The following ZNF592 variants were observed in gnomAD, a reference collection of about 807,000 sequenced individuals.
ZNF592 encodes spinocerebellar ataxia, autosomal recessive 5.
In ZNF592, 11 loss-of-function variants were observed where a neutral mutation model predicts 80.3. The observed-to-expected ratio is 0.14, with a 90% CI of 0.09 to 0.23. ZNF592 has a LOEUF of 0.23. Ranked by LOEUF, ZNF592 falls within the 10% of genes least tolerant of loss-of-function variation. The probability of loss-of-function intolerance (pLI) is 1.00; values close to 1 mark genes in which losing one functional copy is unlikely to be tolerated. For synonymous variants in ZNF592, 646 were observed against 640.3 expected, an observed-to-expected ratio of 1.01 and a Z score of -0.13; for missense variants, 1,420 against 1,633.9, an observed-to-expected ratio of 0.87 and a Z score of 2.26.
intron 4 of ZNF592, among the ~76,000 whole-genome samples, chr15:84,785,428 C>T (rs1158308583): frequency 6.6e-6 from 1 of 152,046 alleles, no homozygotes; most frequent in Non-Finnish European, 1.5e-5. Flanking sequence ...TCTTATGCCT[C>T]AGCCTCCCAA....
Position 84,799,240 on chromosome 15 carries a change from C to G in ZNF592, c.3137+30C>G, listed in dbSNP as rs368761899. 6.2e-7 allele frequency: 1 copy of G among 1,601,992 alleles called. No homozygotes were observed. The highest frequency in any genetic ancestry group is 8.6e-7 in the Non-Finnish European group (1 of 1,169,056). ...GTCCCTGGGGATAGTAGTGAGGAGG[C>G]CTGAGGTTCAAAAGACTCTGTCCGT... On this transcript the variant is annotated intron_variant, in intron 9 of 10. Coordinates refer to ENST00000560079, the MANE Select transcript of ZNF592 (RefSeq NM_014630.3). This position sits in a 1 kb window ranked among gnomAD's most constrained non-coding sequence, Gnocchi z 4.2.
At chr15:84,794,580 A>G (rs1297283363) in intron 5 of ZNF592, among the ~76,000 whole-genome samples, 3 of 151,796 alleles carry the variant, frequency 2.0e-5, no homozygotes, top group African/African-American at 4.8e-5. Flanking sequence ...GGGTTCAAGC[A>G]CTTCTCCCAC....
chr15:84,768,298 C>T (rs766092915), intron 2 of ZNF592, among the ~76,000 whole-genome samples: 3 of 142,424 alleles, frequency 2.1e-5, no homozygotes, highest in African/African-American at 5.3e-5. Flanking sequence ...AGTGCAGTGG[C>T]GCGATCCCAG....
intron 1 of ZNF592, among the ~76,000 whole-genome samples, chr15:84,757,671 T>G (rs554257254): frequency 3.3e-5 from 5 of 151,694 alleles, no homozygotes; most frequent in African/African-American, 1.2e-4. Flanking sequence ...TCTTTTTTTT[T>G]TTTTTGAGAT....
chr15:84,792,733 G>C (rs903660321), intron 5 of ZNF592, among the ~76,000 whole-genome samples: 1 of 152,166 alleles, frequency 6.6e-6, no homozygotes, highest in Admixed American at 6.5e-5. Flanking sequence ...GATTACAGGC[G>C]TGAGCCACCG....
At chr15:84,801,069 C>G (rs1318795892) in intron 10 of ZNF592, among the ~76,000 whole-genome samples, 2 of 152,188 alleles carry the variant, frequency 1.3e-5, no homozygotes, top group Non-Finnish European at 2.9e-5. Context: ...GCCTGTAATC[C>G]CATCACTTTG....
intron 5 of ZNF592, among the ~76,000 whole-genome samples, chr15:84,794,120 T>C (rs957797128): frequency 6.6e-6 from 1 of 152,130 alleles, no homozygotes; most frequent in Admixed American, 6.5e-5. Context: ...AGGGATAGCA[T>C]TAGGAGAAAT....
chr15:84,754,562 A>T (rs6496401), intron 1 of ZNF592: 76,117 of 150,188 alleles, frequency 0.51, 19,564 homozygotes, highest in East Asian at 0.79. Flanking sequence ...ATTCCATTTC[A>T]AAAAAAAAAG....
Position 84,784,948 on chromosome 15 carries a change from C to T in ZNF592, c.2220+53C>T. ...TCGGGCCCCTGGCTCACACAGGTTC[C>T]ATGACTGGGCATGGAGAGGAAAGCT... is the stretch of plus-strand genomic sequence containing the variant. On this transcript the variant is annotated intron_variant, in intron 4 of 10. Transcript: ENST00000560079. This position sits in a 1 kb window ranked among gnomAD's most constrained non-coding sequence, Gnocchi z 5.8. 3 of 1,598,212 alleles carry T rather than the reference C, an allele frequency of 1.9e-6. No homozygotes were observed. Among genetic ancestry groups the T allele is most frequent in the Non-Finnish European group, 2.6e-6 (3 of 1,166,432 alleles).
intron 4 of ZNF592, among the ~76,000 whole-genome samples, chr15:84,785,655 A>G (rs1352825220): frequency 6.6e-6 from 1 of 152,146 alleles, no homozygotes; most frequent in Non-Finnish European, 1.5e-5. Flanking sequence ...CCCTGCAGTG[A>G]CACAGCTGTT....
rs1187963597 is a variant in ZNF592, at chr15:84,803,804, G to A, written c.*1411G>A. On this transcript the variant is annotated 3_prime_UTR_variant, in exon 11 of 11. Transcript: ENST00000560079. ...GAGACTGGCTGTCTTTTCACTGATG[G>A]TGGAGTCAGGGCCCACCCAAGCACG... 6.6e-6 allele frequency: 1 copy of A among 152,204 alleles called. No homozygotes were observed. The highest frequency in any genetic ancestry group is 1.5e-5 in the Non-Finnish European group (1 of 68,054). 9.4% of individuals were successfully genotyped at this position (152,204 alleles called of 1,614,324 possible).
At chr15:84,792,463 A>AT (rs1962776555) in intron 5 of ZNF592, among the ~76,000 whole-genome samples, 3 of 152,008 alleles carry the variant, frequency 2.0e-5, no homozygotes, top group South Asian at 2.1e-4. Context: ...TTATTTGTAT[A>AT]TTTTTTTGAG....
At chr15:84,765,848 T>C (rs1249032192) in intron 2 of ZNF592, among the ~76,000 whole-genome samples, 1 of 152,046 alleles carries the variant, frequency 6.6e-6, no homozygotes, top group Non-Finnish European at 1.5e-5. Context: ...GTTTTGTTTT[T>C]AAATAATAGC....
chr15:84,749,531 C>A (rs1327717661), intron 1 of ZNF592, among the ~76,000 whole-genome samples: 1 of 152,198 alleles, frequency 6.6e-6, no homozygotes, highest in Non-Finnish European at 1.5e-5. Flanking sequence ...TCCACAGGCC[C>A]ACCCAGGGAA....
intron 3 of ZNF592, among the ~76,000 whole-genome samples, chr15:84,779,575 C>T (rs536919403): frequency 4.8e-4 from 73 of 152,210 alleles, no homozygotes; most frequent in Non-Finnish European, 9.0e-4. Flanking sequence ...TACTCTCAAA[C>T]TCCTGGGCTC....
At position 84,802,423 on chromosome 15, in the gene ZNF592, G is replaced by A. The variant is rs760347813; in HGVS notation, c.*30G>A. 2 of 1,612,044 alleles carry A rather than the reference G, an allele frequency of 1.2e-6. No individual in the cohort carries two copies. Among genetic ancestry groups the A allele is most frequent in the Non-Finnish European group, 1.7e-6 (2 of 1,179,440 alleles). ...AGACTTTGCAGTGTGCATGGTCAGG[G>A]GTGGTGCCGAAGTGTCTTCCACCTG... is the stretch of plus-strand genomic sequence containing the variant. On this transcript the variant is annotated 3_prime_UTR_variant, in exon 11 of 11. Coordinates refer to ENST00000560079, the MANE Select transcript of ZNF592 (RefSeq NM_014630.3).
intron 1 of ZNF592, among the ~76,000 whole-genome samples, chr15:84,755,098 C>T (rs913681609): frequency 6.8e-6 from 1 of 146,326 alleles, no homozygotes; most frequent in African/African-American, 2.5e-5. Flanking sequence ...GCTGGGACTA[C>T]AGGCGTCCAT....
chr15:84,766,565 A>C (rs1314277444), intron 2 of ZNF592, among the ~76,000 whole-genome samples: 1 of 151,878 alleles, frequency 6.6e-6, no homozygotes, highest in Non-Finnish European at 1.5e-5. Flanking sequence ...AAGAGGGAGG[A>C]AGAGAGGCAT....
At chr15:84,788,842 T>C (rs994384502) in intron 4 of ZNF592, among the ~76,000 whole-genome samples, 5 of 152,158 alleles carry the variant, frequency 3.3e-5, no homozygotes, top group African/African-American at 7.2e-5. Context: ...TCACACAGCA[T>C]TTATCTTTTT....
Sources: gnomAD v4.1 joint callset for allele counts (sites outside exome capture counted in the v4.1 genomes callset) on GRCh38, gnomAD v4.1.1 for gene constraint, Gnocchi (gnomAD v3.1) non-coding constraint, MANE v1.5 for transcripts, NCBI Gene and HGNC (gene_info 2026-07-23, HGNC 2026-07-21) for gene names.